Variants in ACOT1 observed in about 807,000 individuals in gnomAD.
ACOT1 encodes acyl-CoA thioesterase 1.
A neutral mutation model predicts 15.7 loss-of-function variants in ACOT1; 8 were observed. The ratio of observed to expected loss-of-function variants is 0.51; its 90% CI spans 0.30 to 0.92. ACOT1 has a LOEUF of 0.92. Ranked by LOEUF, ACOT1 falls within the 40% of genes least tolerant of loss-of-function variation. ACOT1 has a pLI of 0.06. For synonymous variants in ACOT1, 67 were observed against 241.2 expected (o/e 0.28, Z 6.69); for missense variants, 151 against 539.4 (o/e 0.28, Z 7.13).
At chr14:73,529,231 T>C in the ACOT1 span, 1 of 151,932 alleles carries the variant, frequency 6.6e-6, no homozygotes, top group African/African-American at 2.4e-5. Flanking sequence ...GGTACATGTC[T>C]GTAATCCCAG....
chr14:73,527,787 G>T, the ACOT1 span, among the ~76,000 whole-genome samples: 5 of 151,588 alleles, frequency 3.3e-5, no homozygotes, highest in African/African-American at 1.2e-4. Flanking sequence ...AGACCAGCCC[G>T]GCCAACATGG....
the ACOT1 span, among the ~76,000 whole-genome samples, chr14:73,526,536 G>A: frequency 6.6e-6 from 1 of 152,142 alleles, no homozygotes; most frequent in South Asian, 2.1e-4. Flanking sequence ...CCTACTTGGG[G>A]AAAGGAGAGG....
At chr14:73,493,204 T>C in the ACOT1 span, 1 of 1,138,788 alleles carries the variant, frequency 8.8e-7, no homozygotes, top group Non-Finnish European at 1.3e-6. Flanking sequence ...ACCAACTTCA[T>C]CACCTTCAGG....
chr14:73,524,259 C>T, the ACOT1 span, among the ~76,000 whole-genome samples: 2 of 132,904 alleles, frequency 1.5e-5, no homozygotes, highest in Admixed American at 8.3e-5. Context: ...TGCCATTGCA[C>T]ACCAGCCTGG....
the ACOT1 span, chr14:73,502,823 C>T: frequency 2.5e-6 from 3 of 1,191,308 alleles, no homozygotes; most frequent in South Asian, 2.4e-5. Context: ...TTGGGAGCCA[C>T]CTTGCCCAGC....
the ACOT1 span, chr14:73,495,335 T>A: frequency 6.2e-7 from 1 of 1,613,994 alleles, no homozygotes; most frequent in Non-Finnish European, 8.5e-7. Flanking sequence ...CATGACCATC[T>A]CCAGCTTGAG....
the ACOT1 span, chr14:73,520,865 CT>C: frequency 6.2e-7 from 1 of 1,613,710 alleles, no homozygotes; most frequent in Admixed American, 1.7e-5. Flanking sequence ...AGTAAATCTC[CT>C]GTTCAAAGGT....
chr14:73,506,582 G>A, the ACOT1 span: 3 of 1,593,622 alleles, frequency 1.9e-6, no homozygotes, highest in Non-Finnish European at 2.6e-6. Context: ...CTGAGGAAAT[G>A]GAAGACTTGT....
At chr14:73,519,212 C>T in the ACOT1 span, 5 of 1,560,442 alleles carry the variant, frequency 3.2e-6, no homozygotes, top group Middle Eastern at 1.7e-4. Context: ...TCCCTATTTC[C>T]TTTCTCCCTG....
intron 1 of ACOT1, chr14:73,539,785 C>T (rs1889015913): frequency 8.5e-6 from 1 of 117,054 alleles, no homozygotes; most frequent in Non-Finnish European, 1.9e-5. Flanking sequence ...GTGCTCATCG[C>T]TGCCGGGGCA....
At chr14:73,491,162 C>T in the ACOT1 span, 6 of 1,604,204 alleles carry the variant, frequency 3.7e-6, no homozygotes, top group South Asian at 6.7e-5. Context: ...TGTTGTATCC[C>T]GCATGGCAGC....
chr14:73,518,804 C>A, the ACOT1 span, among the ~76,000 whole-genome samples: 2 of 152,164 alleles, frequency 1.3e-5, no homozygotes, highest in African/African-American at 2.4e-5. Context: ...TATATCAGAT[C>A]TCAAGTGATT....
the ACOT1 span, among the ~76,000 whole-genome samples, chr14:73,524,310 AATATATAT>A: frequency 1.8e-5 from 1 of 54,788 alleles, no homozygotes; most frequent in Non-Finnish European, 3.1e-5. Flanking sequence ...AAAAAAAAAA[AATATATAT>A]ATATATATAT....
the ACOT1 span, among the ~76,000 whole-genome samples, chr14:73,506,037 C>T: frequency 7.2e-5 from 11 of 151,754 alleles, no homozygotes; most frequent in Non-Finnish European, 1.2e-4. Flanking sequence ...ATTATAGGCG[C>T]GTGCCACCAC....
At chr14:73,514,338 G>T in the ACOT1 span, 1 of 985,778 alleles carries the variant, frequency 1.0e-6, no homozygotes, top group Non-Finnish European at 1.5e-6. Flanking sequence ...TAATACCAAA[G>T]CAAAACAAAA....
the ACOT1 span, among the ~76,000 whole-genome samples, chr14:73,507,228 T>C: frequency 3.9e-5 from 6 of 152,230 alleles, no homozygotes; most frequent in Non-Finnish European, 8.8e-5. Context: ...GGTAAACTTC[T>C]AGCAGAAGCA....
chr14:73,525,688 C>A, the ACOT1 span, among the ~76,000 whole-genome samples: 2 of 152,146 alleles, frequency 1.3e-5, no homozygotes, highest in Admixed American at 1.3e-4. Context: ...TGCGGTGGCT[C>A]ACGTCAGTAA....
chr14:73,528,123 G>A, the ACOT1 span, among the ~76,000 whole-genome samples: 3 of 152,086 alleles, frequency 2.0e-5, no homozygotes, highest in South Asian at 2.1e-4. Context: ...GGCTATGCGC[G>A]GTGGCTCATG....
At chr14:73,499,861 A>G in the ACOT1 span, among the ~76,000 whole-genome samples, 30 of 152,316 alleles carry the variant, frequency 2.0e-4, no homozygotes, top group Admixed American at 4.6e-4. Flanking sequence ...GCTGGGAGCT[A>G]AACCAAGCTT....
Sources: allele counts gnomAD v4.1 joint callset (sites outside exome capture counted in the v4.1 genomes callset), GRCh38; gene constraint gnomAD v4.1.1; transcripts MANE v1.5; gene names NCBI Gene and HGNC (gene_info 2026-07-23, HGNC 2026-07-21).